The following TUT4 variants were observed in gnomAD, a reference collection of about 807,000 sequenced individuals.
TUT4 encodes terminal uridylyl transferase 4.
Under a neutral mutation model 192.2 loss-of-function variants are expected in TUT4, and 36 were observed. That is an observed-to-expected ratio of 0.19 (90% CI 0.14 to 0.25). The LOEUF (loss-of-function observed/expected upper bound fraction) is 0.25, where lower values mean the gene tolerates loss of function less well. TUT4 is among the 10% of genes least tolerant of loss of function. The pLI, the probability that TUT4 is intolerant of heterozygous loss-of-function variation, is 1.00. For missense variants in TUT4, 1,493 were observed against 1,957.2 expected (o/e 0.76, Z 4.47); for synonymous variants, 618 against 666.0 (o/e 0.93, Z 1.11).
chr1:52,476,071 C>A (rs546499086), intron 12 of TUT4, among the ~76,000 whole-genome samples: 52 of 152,244 alleles, frequency 3.4e-4, no homozygotes, highest in African/African-American at 1.2e-3. Flanking sequence ...TCTTGAACTT[C>A]TGACCTCAGG....
At chr1:52,525,193 TA>T (rs1681402105) in intron 2 of TUT4, among the ~76,000 whole-genome samples, 1 of 152,160 alleles carries the variant, frequency 6.6e-6, no homozygotes, top group East Asian at 1.9e-4. Context: ...AAATGCTTGA[TA>T]TATATATAAG....
intron 14 of TUT4, 106 bp from the exon 15 acceptor site, chr1:52,468,373 T>C (rs1438551521): frequency 7.4e-6 from 6 of 809,200 alleles, no homozygotes; most frequent in Non-Finnish European, 7.4e-6. Flanking sequence ...AGTTTGTTCA[T>C]TATTTGTTGA....
At chr1:52,496,756 GACCGCCAAGAAATAGTTCT>G (rs1445442628) in intron 5 of TUT4, among the ~76,000 whole-genome samples, 1 of 152,008 alleles carries the variant, frequency 6.6e-6, no homozygotes. Flanking sequence ...TAAAATATTT[GACCGCCAAGAAATAGTTCT>G]ACATCTGGCA....
chr1:52,522,905 A>G (rs1456791272), intron 2 of TUT4, among the ~76,000 whole-genome samples: 2 of 151,732 alleles, frequency 1.3e-5, no homozygotes, highest in Non-Finnish European at 2.9e-5. Context: ...ACCCTGGACA[A>G]CAGAGTGAAG....
At chr1:52,534,165 C>A (rs1363131489) in intron 1 of TUT4, among the ~76,000 whole-genome samples, 1 of 152,002 alleles carries the variant, frequency 6.6e-6, no homozygotes, top group African/African-American at 2.4e-5. Flanking sequence ...AAACTTAGCC[C>A]CGTCCCCTCT....
intron 16 of TUT4, chr1:52,462,597 C>A: frequency 2.6e-6 from 1 of 385,952 alleles, no homozygotes; most frequent in Non-Finnish European, 3.5e-6. Flanking sequence ...TCCTGTCCTG[C>A]AGAGCTGTTG....
chr1:52,541,022 A>G (rs920541985), intron 1 of TUT4, among the ~76,000 whole-genome samples: 4 of 151,824 alleles, frequency 2.6e-5, no homozygotes, highest in Admixed American at 2.6e-4. Context: ...CCTGGCCAAC[A>G]TGGTAAAACA....
chr1:52,435,458 C>T lies in TUT4; in HGVS notation c.4170G>A (p.Gln1390=). ...RQRNSSVAAA[Q]LVRNLVNAQQ... is the part of the protein sequence containing the mutation. Reference sequence around the variant, plus strand: ...GAGCATTTACAAGGTTGCGGACCAGCTGGGCTGCTAAGAGAAGGCATCACA... The same window carrying T: ...GAGCATTTACAAGGTTGCGGACCAGTTGGGCTGCTAAGAGAAGGCATCACA... The change falls in exon 27 of 30, where the codon CAG becomes CAA. Residue 1390 remains glutamine, a synonymous_variant. Coordinates refer to ENST00000257177, the MANE Select transcript of TUT4 (RefSeq NM_001009881.3). 1 of 1,614,078 alleles carries T rather than the reference C, an allele frequency of 6.2e-7. No individual in the cohort carries two copies. The highest frequency in any genetic ancestry group is 8.5e-7 in the Non-Finnish European group (1 of 1,179,942).
intron 20 of TUT4, 25 bp downstream of exon 20, chr1:52,458,311 C>T (rs1318453802): frequency 4.4e-6 from 7 of 1,579,422 alleles, no homozygotes; most frequent in Non-Finnish European, 6.1e-6. Flanking sequence ...AAAAAAACTC[C>T]TTTATAGTTT....
chr1:52,441,389 T>A (rs1044300598), intron 24 of TUT4, among the ~76,000 whole-genome samples: 6 of 150,866 alleles, frequency 4.0e-5, no homozygotes, highest in African/African-American at 1.5e-4. Context: ...GTTCAAGCGA[T>A]TCTCCTGCCT....
chr1:52,534,890 A>G (rs957973853), intron 1 of TUT4: 1 of 152,346 alleles, frequency 6.6e-6, no homozygotes, highest in African/African-American at 2.4e-5. Context: ...ATTCTAGGTT[A>G]GAAATTATTC....
chr1:52,441,444 A>ATTTTTTTTTT (rs557710242), intron 24 of TUT4, among the ~76,000 whole-genome samples: 149 of 119,944 alleles, frequency 1.2e-3, no homozygotes, highest in African/African-American at 3.3e-3. Flanking sequence ...TCTCGGCTAA[A>ATTTTTTTTTT]TTTTTTTTTT....
intron 26 of TUT4, 150 bp from the exon 27 acceptor site, chr1:52,435,615 G>A (rs1477852758): frequency 9.8e-6 from 6 of 614,418 alleles, no homozygotes; most frequent in African/African-American, 1.9e-5. Flanking sequence ...ATTAACGAAG[G>A]ACTTGCAGCA....
intron 26 of TUT4, 79 bp downstream of exon 26, chr1:52,436,676 G>C (rs1036591211): frequency 6.3e-7 from 1 of 1,588,400 alleles, no homozygotes; most frequent in Non-Finnish European, 8.6e-7. Flanking sequence ...CAACAGAGAG[G>C]AATTAGGGTC....
At chr1:52,483,100 TA>T (rs1336780704) in intron 9 of TUT4, among the ~76,000 whole-genome samples, 1 of 152,192 alleles carries the variant, frequency 6.6e-6, no homozygotes, top group South Asian at 2.1e-4. Flanking sequence ...TATTATCACT[TA>T]AAAAATAATT....
chr1:52,449,127 T>C (rs1018200055), intron 20 of TUT4, among the ~76,000 whole-genome samples: 2 of 152,042 alleles, frequency 1.3e-5, no homozygotes, highest in African/African-American at 4.8e-5. Flanking sequence ...CTCTCTGTTC[T>C]CTCTCATTCA....
chr1:52,522,949 T>C (rs1471751344), intron 2 of TUT4, among the ~76,000 whole-genome samples: 2 of 150,764 alleles, frequency 1.3e-5, no homozygotes, highest in African/African-American at 4.9e-5. Context: ...CTTTAAATCA[T>C]GTTTTTCACC....
chr1:52,498,959 T>C (rs1234485849), intron 4 of TUT4, among the ~76,000 whole-genome samples: 4 of 80,512 alleles, frequency 5.0e-5, no homozygotes, highest in Admixed American at 4.4e-4. Context: ...TATATATATA[T>C]GACATTTTTC....
chr1:52,501,839 A>G (rs1674180033), intron 4 of TUT4, among the ~76,000 whole-genome samples: 1 of 152,204 alleles, frequency 6.6e-6, no homozygotes, highest in African/African-American at 2.4e-5. Flanking sequence ...ATGCTAAGTG[A>G]AATAACACTA....
Sources: allele counts gnomAD v4.1 joint callset (sites outside exome capture counted in the v4.1 genomes callset), GRCh38; gene constraint gnomAD v4.1.1; transcripts MANE v1.5; gene names NCBI Gene and HGNC (gene_info 2026-07-23, HGNC 2026-07-21).